Variants in TBC1D24 observed in about 807,000 individuals in gnomAD.
TBC1D24 encodes Infantile myoclonic epilepsy.
In TBC1D24, 47 loss-of-function variants were observed where a neutral mutation model predicts 50.7. The ratio of observed to expected loss-of-function variants is 0.93; its 90% CI spans 0.73 to 1.18. The LOEUF (loss-of-function observed/expected upper bound fraction) is 1.18. Ranked by LOEUF, TBC1D24 falls within the 50% of genes most tolerant of loss-of-function variation. The probability of loss-of-function intolerance (pLI) is 0.00; values close to 1 mark genes in which losing one functional copy is unlikely to be tolerated. For synonymous variants in TBC1D24, 324 were observed against 335.2 expected (o/e 0.97, Z 0.36); for missense variants, 688 against 766.5 (o/e 0.90, Z 1.21).
Position 2,496,814 on chromosome 16 carries a change from C to T in TBC1D24, c.666C>T (p.Leu222=), listed in dbSNP as rs1395084462. 3 of 1,613,922 alleles carry T rather than the reference C, an allele frequency of 1.9e-6. No individual in the cohort carries two copies. The highest frequency in any genetic ancestry group is 2.5e-6 in the Non-Finnish European group (3 of 1,180,054). The change falls in exon 2 of 8, where the codon CTC becomes CTT. Residue 222 remains leucine (L), a synonymous_variant. Transcript: ENST00000646147. ...WQRWLFGELP[L]CYFARVFDVF... ...GCTGGCTGTTTGGGGAGCTGCCCCT[C>T]TGCTACTTCGCCCGGGTCTTTGACG...
rs2141848503 is a variant in TBC1D24 at position 2,475,654 on chromosome 16, G to A, written c.-116+484G>A. ...TGACACACGCCCCCACCGACCACCC[G>A]CTTGGGGGTCCGCCAGCCCCCGGCC... On this transcript the variant is annotated intron_variant, in intron 1 of 7. Transcript: ENST00000646147. The surrounding 1 kb of genome is among the most constrained non-coding windows in gnomAD (Gnocchi z 4.2). Among the ~76,000 whole-genome samples the A allele has an allele frequency of 7.4e-6, 1 of 135,224 alleles. No homozygotes were observed. The highest frequency in any genetic ancestry group is 1.6e-5 in the Non-Finnish European group (1 of 63,492). The allele number at this position is 135,224 out of a possible 152,430, so 88.7% of individuals were successfully genotyped here.
rs927274082 is a variant in TBC1D24, at chr16:2,482,604, C to T, written c.-116+7434C>T. On this transcript the variant is annotated intron_variant, in intron 1 of 7. Coordinates refer to ENST00000646147, the MANE Select transcript of TBC1D24 (RefSeq NM_001199107.2). The surrounding 1 kb of genome is among the most constrained non-coding windows in gnomAD (Gnocchi z 5.2). ...GGCGGGGGACACCAGGAGAGGGTTTCGGGTGGAGAACGGTGACCGGGTGAA... is the reference window on the plus strand; with the variant it reads ...GGCGGGGGACACCAGGAGAGGGTTTTGGGTGGAGAACGGTGACCGGGTGAA... 1.3e-5 allele frequency among the ~76,000 whole-genome samples: 2 copies of T among 152,034 alleles called. No individual in the cohort carries two copies. The highest frequency in any genetic ancestry group is 2.9e-5 in the Non-Finnish European group (2 of 67,994).
intron 4 of TBC1D24, among the ~76,000 whole-genome samples, chr16:2,498,829 G>A (rs963870886): frequency 1.3e-5 from 2 of 152,258 alleles, no homozygotes; most frequent in African/African-American, 2.4e-5. Context: ...GCATGTGGCC[G>A]TGGGAGCTCT....
Position 2,496,317 on chromosome 16 carries a change from C to A in TBC1D24, c.169C>A (p.Arg57Ser), listed in dbSNP as rs202162520. ...CGCCCTGCGGGGAAAGGTGTACCAGCGCCTGATCCGGGACATTCCCTGCCG... is the reference window on the plus strand; with the variant it reads ...CGCCCTGCGGGGAAAGGTGTACCAGAGCCTGATCCGGGACATTCCCTGCCG... ...SHALRGKVYQRLIRDIPCRTV... is the reference protein window; with the variant it reads ...SHALRGKVYQSLIRDIPCRTV... Residue 57 changes from arginine (R) to serine (S), a missense_variant, in exon 2 of 8, where the codon CGC becomes AGC. Physicochemically the swap from Arg to Ser is moderately radical, Grantham distance 110 (BLOSUM62 -1). Coordinates refer to ENST00000646147, the MANE Select transcript of TBC1D24 (RefSeq NM_001199107.2). 1 of 1,613,492 alleles carries A rather than the reference C, an allele frequency of 6.2e-7. No homozygotes were observed. Among genetic ancestry groups the A allele is most frequent in the African/African-American group, 1.3e-5 (1 of 74,948 alleles).
chr16:2,490,700 G>A (rs2065688542), intron 1 of TBC1D24, among the ~76,000 whole-genome samples: 1 of 152,190 alleles, frequency 6.6e-6, no homozygotes, highest in South Asian at 2.1e-4. Context: ...TGCAGACATG[G>A]CAACCGCAGG....
intron 1 of TBC1D24, chr16:2,478,622 G>A (rs957968466): frequency 3.9e-5 from 6 of 152,204 alleles, no homozygotes; most frequent in Admixed American, 6.5e-5. Flanking sequence ...AAAACGAGAC[G>A]GAATCCTGAA....
Position 2,483,836 on chromosome 16 carries a change from G to C in TBC1D24, c.-116+8666G>C, listed in dbSNP as rs1019658169. ...TGTAGACAATTTCCAGAGCAAGAAG[G>C]CAGGCTGGGAGCAGGGGCCGGGGGT... On this transcript the variant is annotated intron_variant, in intron 1 of 7. Transcript: ENST00000646147. The surrounding 1 kb of genome is among the most constrained non-coding windows in gnomAD (Gnocchi z 4.0). The C allele has an allele frequency of 6.5e-6, 1 of 152,864 alleles. No homozygotes were observed. The highest frequency in any genetic ancestry group is 2.4e-5 in the African/African-American group (1 of 41,402). 9.5% of individuals were successfully genotyped at this position (152,864 alleles called of 1,614,324 possible). A position where few individuals can be genotyped will look rare whatever the true frequency, so the allele number is the denominator to read the frequency against.
chr16:2,495,915 G>A, intron 1 of TBC1D24, 119 bp from the exon 2 acceptor site: 1 of 530,582 alleles, frequency 1.9e-6, no homozygotes, highest in East Asian at 3.6e-5. Flanking sequence ...TCCAACCTGG[G>A]CAACAGAGCG....
In TBC1D24 at chr16:2,500,290, A is replaced by T. The variant is rs1459652649; in HGVS notation, c.1325A>T (p.Tyr442Phe). The change falls in exon 7 of 8, where the codon TAC (tyrosine) becomes TTC (phenylalanine). Residue 442 changes from tyrosine (Y) to phenylalanine (F), a missense_variant. Transcript: ENST00000646147. The surrounding 1 kb of genome is among the most constrained non-coding windows in gnomAD (Gnocchi z 8.0). Reference protein sequence around the residue: ...VFRLQPEVQRYEWVVIKHPEL... With the variant: ...VFRLQPEVQRFEWVVIKHPEL... ...CAGCTGCAGCCTGAGGTGCAGCGCT[A>T]CGAGTGGGTGGTGATCAAGCACCCC... 1.2e-6 allele frequency: 2 copies of T among 1,608,882 alleles called. No homozygotes were observed. The highest frequency in any genetic ancestry group is 3.4e-5 in the Admixed American group (2 of 59,696).
chr16:2,476,669 C>G (rs865916019), intron 1 of TBC1D24: 1 of 152,268 alleles, frequency 6.6e-6, no homozygotes. Context: ...TGGCCAGGGC[C>G]GGACCAGAGG....
intron 1 of TBC1D24, chr16:2,493,692 A>G (rs2065714896): frequency 6.6e-6 from 1 of 152,350 alleles, no homozygotes; most frequent in East Asian, 1.9e-4. Flanking sequence ...AACTTCTACC[A>G]TCCCAGGTGG....
In TBC1D24 at chr16:2,501,007, TGGGCTGCCGCCTC is replaced by T; in HGVS notation, c.*54_*66del. The T allele has an allele frequency of 1.9e-6, 3 of 1,600,332 alleles. No homozygotes were observed. The highest frequency in any genetic ancestry group is 2.5e-6 in the Non-Finnish European group (3 of 1,178,164). ...CCGTGGTGGGGCGGTGGGCCGAGGC[TGGGCTGCCGCCTC>T]GGGCAGCAGAGAGCAGATGAAACCC... On this transcript the variant is annotated 3_prime_UTR_variant, in exon 8 of 8. Transcript: ENST00000646147.
chr16:2,496,300 G>A lies in TBC1D24; in HGVS notation c.152G>A (p.Arg51Gln), dbSNP rs780286465. The change falls in exon 2 of 8, where the codon CGG becomes CAG. Residue 51 changes from arginine to glutamine, a missense_variant. Coordinates refer to ENST00000646147, the MANE Select transcript of TBC1D24 (RefSeq NM_001199107.2). Reference protein sequence around the residue: ...QGYWAQSHALRGKVYQRLIRD... With the variant: ...QGYWAQSHALQGKVYQRLIRD... ...TACTGGGCCCAAAGCCACGCCCTGC[G>A]GGGAAAGGTGTACCAGCGCCTGATC... 3.7e-6 allele frequency: 6 copies of A among 1,613,550 alleles called. No homozygotes were observed. Among genetic ancestry groups the A allele is most frequent in the Non-Finnish European group, 3.4e-6 (4 of 1,180,036 alleles).
In TBC1D24 at chr16:2,475,555, T is replaced by C. The variant is rs1343922459; in HGVS notation, c.-116+385T>C. Among the ~76,000 whole-genome samples the C allele has an allele frequency of 6.6e-6, 1 of 151,888 alleles. No individual in the cohort carries two copies. Among genetic ancestry groups the C allele is most frequent in the Non-Finnish European group, 1.5e-5 (1 of 67,924 alleles). ...AAATCCTCTTGGGGGCTCGGTGAGA[T>C]TGCAACAGATTCTGATACGCCCTGC... On this transcript the variant is annotated intron_variant, in intron 1 of 7. Transcript: ENST00000646147. This position sits in a 1 kb window ranked among gnomAD's most constrained non-coding sequence, Gnocchi z 4.2.
chr16:2,487,965 C>T lies in TBC1D24; in HGVS notation c.-115-8069C>T, dbSNP rs1431920511. Among the ~76,000 whole-genome samples, 1 of 152,218 alleles carries T rather than the reference C, an allele frequency of 6.6e-6. No homozygotes were observed. The highest frequency in any genetic ancestry group is 2.4e-5 in the African/African-American group (1 of 41,446). On this transcript the variant is annotated intron_variant, in intron 1 of 7. Transcript: ENST00000646147. The surrounding 1 kb of genome is among the most constrained non-coding windows in gnomAD (Gnocchi z 4.1). ...TGTGGGGTTGTGTTCCGCCCCGAGGCTGGGGTGAGCTGCTTGTCTGCTGGA... is the reference window on the plus strand; with the variant it reads ...TGTGGGGTTGTGTTCCGCCCCGAGGTTGGGGTGAGCTGCTTGTCTGCTGGA...
rs1400223866 is a variant in TBC1D24, at chr16:2,482,890, G to GGCGGCCAGC, written c.-116+7731_-116+7739dup. On this transcript the variant is annotated intron_variant, in intron 1 of 7. Transcript: ENST00000646147. The surrounding 1 kb of genome is among the most constrained non-coding windows in gnomAD (Gnocchi z 5.2). ...GAGGCCCAAGGCAGCTGGGAGATCT[G>GGCGGCCAGC]GCGGCCAGCGCGGCCAGCGGCGGGA... 2.0e-5 allele frequency: 3 copies of GGCGGCCAGC among 153,444 alleles called. No individual in the cohort carries two copies. Among genetic ancestry groups the GGCGGCCAGC allele is most frequent in the Admixed American group, 1.3e-4 (2 of 15,298 alleles). 9.5% of individuals were successfully genotyped at this position (153,444 alleles called of 1,614,324 possible).
chr16:2,500,478 T>G lies in TBC1D24; in HGVS notation c.1513T>G (p.Cys505Gly), dbSNP rs761300077. 1.9e-6 allele frequency: 3 copies of G among 1,569,794 alleles called. No individual in the cohort carries two copies. Among genetic ancestry groups the G allele is most frequent in the African/African-American group, 1.4e-5 (1 of 73,854 alleles). ...CATGTTCATGGCGGGGGGCAGCGACTGCCTCATCGTCGGTGAGCGCCAGCA... is the reference window on the plus strand; with the variant it reads ...CATGTTCATGGCGGGGGGCAGCGACGGCCTCATCGTCGGTGAGCGCCAGCA... Reference protein sequence around the residue: ...ESMFMAGGSDCLIVGGGGGQA... With the variant: ...ESMFMAGGSDGLIVGGGGGQA... Residue 505 changes from cysteine to glycine, a missense_variant, in exon 7 of 8, where the codon TGC becomes GGC. Coordinates refer to ENST00000646147, the MANE Select transcript of TBC1D24 (RefSeq NM_001199107.2). This position sits in a 1 kb window ranked among gnomAD's most constrained non-coding sequence, Gnocchi z 8.0.
rs192947509 is a variant in TBC1D24, at chr16:2,500,234, C to G, written c.1303-34C>G. 6.5e-7 allele frequency: 1 copy of G among 1,544,718 alleles called. No individual in the cohort carries two copies. Among genetic ancestry groups the G allele is most frequent in the African/African-American group, 1.4e-5 (1 of 72,912 alleles). On this transcript the variant is annotated intron_variant, in intron 6 of 7. Coordinates refer to ENST00000646147, the MANE Select transcript of TBC1D24 (RefSeq NM_001199107.2). This position sits in a 1 kb window ranked among gnomAD's most constrained non-coding sequence, Gnocchi z 8.0. ...TGGGGCAGAGGGGCCTGCGAACGCC[C>G]GCGCCAGCTCCTCACACTCCCCTTC...
chr16:2,496,078 G>A lies in TBC1D24; in HGVS notation c.-71G>A, dbSNP rs2065734132. The A allele has an allele frequency of 1.3e-6, 2 of 1,597,040 alleles. No homozygotes were observed. The highest frequency in any genetic ancestry group is 2.2e-5 in the East Asian group (1 of 44,628). The stretch of plus-strand genomic sequence containing the variant: ...GTTTGCAGGAAACCCTCAGAAAGGG[G>A]GCTGGAGGATTTAGCCACTCTGTCC... On this transcript the variant is annotated 5_prime_UTR_variant, in exon 2 of 8. Coordinates refer to ENST00000646147, the MANE Select transcript of TBC1D24 (RefSeq NM_001199107.2).
Sources: gnomAD v4.1 joint callset for allele counts (sites outside exome capture counted in the v4.1 genomes callset) on GRCh38, gnomAD v4.1.1 for gene constraint, Gnocchi (gnomAD v3.1) non-coding constraint, MANE v1.5 for transcripts, NCBI Gene and HGNC (gene_info 2026-07-23, HGNC 2026-07-21) for gene names.